SMPD3: variants seen among roughly 807,000 people sequenced by gnomAD.
SMPD3 encodes the protein nSMase-2.
SMPD3 carries 21 observed loss-of-function variants against 55.7 expected under a neutral mutation model. That is an observed-to-expected ratio of 0.38 (90% CI 0.27 to 0.54). The LOEUF (loss-of-function observed/expected upper bound fraction) is 0.54. SMPD3 is among the 20% of genes least tolerant of loss of function. The pLI is 0.80. For synonymous variants in SMPD3, 457 were observed against 404.3 expected (o/e 1.13, Z -1.56); for missense variants, 842 against 899.6 (o/e 0.94, Z 0.82).
intron 1 of SMPD3, among the ~76,000 whole-genome samples, chr16:68,394,649 A>T (rs1372361178): frequency 6.6e-6 from 1 of 152,246 alleles, no homozygotes; most frequent in Admixed American, 6.5e-5. Context: ...CAGGATTCAG[A>T]ATTCTTCAGT....
intron 1 of SMPD3, among the ~76,000 whole-genome samples, chr16:68,408,020 G>T (rs2090267592): frequency 6.6e-6 from 1 of 152,086 alleles, no homozygotes; most frequent in African/African-American, 2.4e-5. Flanking sequence ...TTGGAACCCA[G>T]GCAGAAAAGA....
At position 68,404,692 on chromosome 16, in the gene SMPD3, A is replaced by T. The variant is rs901233102; in HGVS notation, c.-268-18033T>A. Among the ~76,000 whole-genome samples, 3 of 152,214 alleles carry T rather than the reference A, an allele frequency of 2.0e-5. No homozygotes were observed. The highest frequency in any genetic ancestry group is 7.2e-5 in the African/African-American group (3 of 41,458). ...CTGCCATTGAGGTGCTAGCCCCCAG[A>T]GGCTGTTATCTTTGTATAGATGCTG... On this transcript the variant is annotated intron_variant, in intron 1 of 8. Transcript: ENST00000219334. This position sits in a 1 kb window ranked among gnomAD's most constrained non-coding sequence, Gnocchi z 4.0.
intron 1 of SMPD3, among the ~76,000 whole-genome samples, chr16:68,439,363 G>A (rs940678235): frequency 3.3e-5 from 5 of 152,300 alleles, no homozygotes; most frequent in African/African-American, 1.2e-4. Flanking sequence ...TCCTCCTGGG[G>A]AAGGGTTCTC....
chr16:68,420,690 T>C (rs184483723), intron 1 of SMPD3, among the ~76,000 whole-genome samples: 14 of 152,352 alleles, frequency 9.2e-5, no homozygotes, highest in African/African-American at 3.4e-4. Flanking sequence ...GCTGCATCCA[T>C]TGTTCTGTGT....
rs559712211 is a variant in SMPD3, at chr16:68,364,025, G to A, written c.1556-159C>T. Among the ~76,000 whole-genome samples, 41 of 151,824 alleles carry A rather than the reference G, an allele frequency of 2.7e-4. No individual in the cohort carries two copies. The South Asian group carries it at 5.4e-3, about 20-fold the overall frequency. On this transcript the variant is annotated intron_variant, in intron 5 of 8. Transcript: ENST00000219334. ...GATCTCAGTCCCATTCAGGTGCCCC[G>A]TGCTTCATTTGTCGCTGCTTTTCTG... is the stretch of plus-strand genomic sequence containing the variant.
At chr16:68,442,330 C>T (rs1470344813) in intron 1 of SMPD3, among the ~76,000 whole-genome samples, 1 of 152,226 alleles carries the variant, frequency 6.6e-6, no homozygotes, top group Non-Finnish European at 1.5e-5. Flanking sequence ...AATATCCTTT[C>T]CATTTCTAAA....
intron 1 of SMPD3, among the ~76,000 whole-genome samples, chr16:68,439,290 G>T (rs1597671098): frequency 6.6e-6 from 1 of 152,228 alleles, no homozygotes; most frequent in East Asian, 1.9e-4. Context: ...GGTTACTCCA[G>T]CCCCCGTTCC....
chr16:68,392,417 G>A (rs1312538158), intron 1 of SMPD3, among the ~76,000 whole-genome samples: 1 of 152,178 alleles, frequency 6.6e-6, no homozygotes, highest in Non-Finnish European at 1.5e-5. Context: ...GCTAGTTTAG[G>A]TGTATTAAAT....
At position 68,433,532 on chromosome 16, in the gene SMPD3, G is replaced by A. The variant is rs80343315; in HGVS notation, c.-269+14821C>T. Among the ~76,000 whole-genome samples, 1,138 of 152,332 alleles carry A rather than the reference G, an allele frequency of 7.5e-3. 5 individuals carry two copies. Among genetic ancestry groups the A allele is most frequent in the Non-Finnish European group, 0.012 (830 of 68,032 alleles). On this transcript the variant is annotated intron_variant, in intron 1 of 8. Coordinates refer to ENST00000219334, the MANE Select transcript of SMPD3 (RefSeq NM_018667.4). ...GTACAAGAGTGGGCGAGGTCACCAGGGCATGGCAGATGGGGTATGCAAGGA... is the reference window on the plus strand; with the variant it reads ...GTACAAGAGTGGGCGAGGTCACCAGAGCATGGCAGATGGGGTATGCAAGGA...
chr16:68,363,903 G>T (rs1469999569), intron 5 of SMPD3, 37 bp from the exon 6 acceptor site: 1 of 1,528,888 alleles, frequency 6.5e-7, no homozygotes. Context: ...GGCACCAGGG[G>T]GCTTTGCTGT....
Position 68,442,666 on chromosome 16 carries a change from C to T in SMPD3, c.-269+5687G>A, listed in dbSNP as rs201040736. On this transcript the variant is annotated intron_variant, in intron 1 of 8. Transcript: ENST00000219334. ...TTATAGCCAGGATTAGAAACCATTT[C>T]CTGATCCTGTGTGCAAAGGAGGTGG... Among the ~76,000 whole-genome samples, 25 of 152,204 alleles carry T rather than the reference C, an allele frequency of 1.6e-4. 1 individual carries two copies. Among genetic ancestry groups the T allele is most frequent in the Non-Finnish European group, 3.2e-4 (22 of 68,034 alleles).
In SMPD3 at chr16:68,410,323, C is replaced by A. The variant is rs139487060; in HGVS notation, c.-268-23664G>T. On this transcript the variant is annotated intron_variant, in intron 1 of 8. Transcript: ENST00000219334. The stretch of plus-strand genomic sequence containing the variant: ...GGGCAGAGGCGATGGGCCATGCCAT[C>A]CACAGACCAGGGGTGGCCCCACCAA... Among the ~76,000 whole-genome samples, 29 of 151,826 alleles carry A rather than the reference C, an allele frequency of 1.9e-4. No individual in the cohort carries two copies. The East Asian group carries it at 5.6e-3, about 29-fold the overall frequency.
intron 1 of SMPD3, among the ~76,000 whole-genome samples, chr16:68,393,821 C>T (rs1325578861): frequency 7.0e-6 from 1 of 142,690 alleles, no homozygotes; most frequent in African/African-American, 3.1e-5. Context: ...CACAACTTTC[C>T]CCCAATTTTT....
rs999817850 is a variant in SMPD3 at position 68,404,650 on chromosome 16, C to T, written c.-268-17991G>A. ...TCCCCAGGTAGGAAATAGGGGTCAC[C>T]TGTGCCCCCAGCCCACCTGCCATTG... On this transcript the variant is annotated intron_variant, in intron 1 of 8. Transcript: ENST00000219334. The surrounding 1 kb of genome is among the most constrained non-coding windows in gnomAD (Gnocchi z 4.0). 1.3e-5 allele frequency among the ~76,000 whole-genome samples: 2 copies of T among 152,196 alleles called. No individual in the cohort carries two copies. Among genetic ancestry groups the T allele is most frequent in the Non-Finnish European group, 2.9e-5 (2 of 68,042 alleles).
intron 1 of SMPD3, among the ~76,000 whole-genome samples, chr16:68,423,711 C>T (rs2090414362): frequency 6.6e-6 from 1 of 152,182 alleles, no homozygotes. Flanking sequence ...CAGATCTCTG[C>T]TTCAGGCTTA....
At chr16:68,402,951 C>T (rs1196170415) in intron 1 of SMPD3, among the ~76,000 whole-genome samples, 4 of 152,188 alleles carry the variant, frequency 2.6e-5, no homozygotes, top group Non-Finnish European at 4.4e-5. Flanking sequence ...GGAGGGGAAG[C>T]TTCGCTTCTA....
chr16:68,370,776 G>C, intron 3 of SMPD3, 83 bp downstream of exon 3: 1 of 1,544,874 alleles, frequency 6.5e-7, no homozygotes, highest in Non-Finnish European at 8.8e-7. Context: ...ATGACGATGA[G>C]GACTCCCCGC....
chr16:68,361,023 T>G lies in SMPD3; in HGVS notation c.*183A>C. On this transcript the variant is annotated 3_prime_UTR_variant, in exon 9 of 9. Coordinates refer to ENST00000219334, the MANE Select transcript of SMPD3 (RefSeq NM_018667.4). The stretch of plus-strand genomic sequence containing the variant: ...AGGCTCCTGGGGCGGGCCTGACTCC[T>G]CTGTCCACAGTGAGGCCCAGAGGCG... 1 of 594,788 alleles carries G rather than the reference T, an allele frequency of 1.7e-6. No individual in the cohort carries two copies. Among genetic ancestry groups the G allele is most frequent in the South Asian group, 2.1e-5 (1 of 48,424 alleles). The allele number at this position is 594,788 out of a possible 1,614,324, so 36.8% of individuals were successfully genotyped here.
At chr16:68,435,430 A>G (rs2090515011) in intron 1 of SMPD3, among the ~76,000 whole-genome samples, 1 of 152,188 alleles carries the variant, frequency 6.6e-6, no homozygotes. Flanking sequence ...AAAACTCTCT[A>G]CAGGGCAATT....
Sources: gnomAD v4.1 joint callset for allele counts (sites outside exome capture counted in the v4.1 genomes callset) on GRCh38, gnomAD v4.1.1 for gene constraint, Gnocchi (gnomAD v3.1) non-coding constraint, MANE v1.5 for transcripts, NCBI Gene and HGNC (gene_info 2026-07-23, HGNC 2026-07-21) for gene names.